The following REL variants were observed in gnomAD, a reference collection of about 807,000 sequenced individuals.
The protein encoded by REL is proto-oncogene c-Rel.
REL carries 15 observed loss-of-function variants against 45.9 expected under a neutral mutation model. That is an observed-to-expected ratio of 0.33 (90% CI 0.22 to 0.50). REL has a LOEUF of 0.50. Among genes scored for constraint, REL ranks in the 20% least tolerant of loss-of-function variants. The pLI, the probability that REL is intolerant of heterozygous loss-of-function variation, is 0.98. For synonymous variants in REL, 239 were observed against 242.1 expected (o/e 0.99, Z 0.12); for missense variants, 601 against 715.2 (o/e 0.84, Z 1.82).
chr2:60,883,920 A>G (rs1350191169), intron 1 of REL, among the ~76,000 whole-genome samples: 2 of 149,754 alleles, frequency 1.3e-5, no homozygotes, highest in Admixed American at 1.3e-4. Context: ...AAGTTATTTA[A>G]ATTGTAATTC....
chr2:60,916,579 C>T (rs1432812259), intron 4 of REL, among the ~76,000 whole-genome samples: 1 of 152,164 alleles, frequency 6.6e-6, no homozygotes, highest in Non-Finnish European at 1.5e-5. Flanking sequence ...TACAAACCTG[C>T]AACTATTTTT....
rs1674224765 is a variant in REL, at chr2:60,924,512, C to A, written c.*1977C>A. On this transcript the variant is annotated 3_prime_UTR_variant, in exon 10 of 10. Transcript: ENST00000394479. ...TGGGTTTATGAGAATCGTGTACATT[C>A]AAGTCCAGGAATAATAATGGTCATC... 1 of 216,598 alleles carries A rather than the reference C, an allele frequency of 4.6e-6. No homozygotes were observed. The highest frequency in any genetic ancestry group is 2.2e-5 in the African/African-American group (1 of 44,526). The allele number at this position is 216,598 out of a possible 1,614,324, so 13.4% of individuals were successfully genotyped here. A position where few individuals can be genotyped will look rare whatever the true frequency, so the allele number is the denominator to read the frequency against.
At chr2:60,882,289 G>C (rs947191126) in intron 1 of REL, among the ~76,000 whole-genome samples, 3 of 152,176 alleles carry the variant, frequency 2.0e-5, no homozygotes, top group Non-Finnish European at 4.4e-5. Context: ...TGTACTGACA[G>C]TTGTACAAAA....
At chr2:60,890,096 C>T (rs1673170127) in intron 1 of REL, among the ~76,000 whole-genome samples, 1 of 152,198 alleles carries the variant, frequency 6.6e-6, no homozygotes, top group African/African-American at 2.4e-5. Flanking sequence ...TTCTTCACAT[C>T]CTCTCCAGCA....
At chr2:60,901,944 A>C (rs561264059) in intron 4 of REL, among the ~76,000 whole-genome samples, 1 of 152,294 alleles carries the variant, frequency 6.6e-6, no homozygotes, top group East Asian at 1.9e-4. Context: ...CTCATGCTGT[A>C]AGTATAAATG....
chr2:60,882,704 A>T (rs1672975544), intron 1 of REL, among the ~76,000 whole-genome samples: 1 of 152,106 alleles, frequency 6.6e-6, no homozygotes. Context: ...TGTAGTTTTT[A>T]CTGTGAGATA....
chr2:60,914,129 G>A (rs1432762385), intron 4 of REL, among the ~76,000 whole-genome samples: 1 of 152,072 alleles, frequency 6.6e-6, no homozygotes, highest in African/African-American at 2.4e-5. Flanking sequence ...AACTTTTAAG[G>A]GCATAAGAAA....
chr2:60,927,667 A>G lies in REL; in HGVS notation c.*5132A>G, dbSNP rs1048032519. The G allele has an allele frequency of 4.3e-6, 1 of 229,886 alleles. No individual in the cohort carries two copies. The highest frequency in any genetic ancestry group is 2.2e-5 in the African/African-American group (1 of 45,180). 14.2% of individuals were successfully genotyped at this position (229,886 alleles called of 1,614,324 possible). ...CAAAGCACGATGTTGGAAATTATAC[A>G]GAGGTGAATAAGACAAAAACTCTTG... On this transcript the variant is annotated 3_prime_UTR_variant, in exon 10 of 10. Transcript: ENST00000394479.
intron 3 of REL, 136 bp from the exon 4 acceptor site, chr2:60,900,856 A>G (rs1673475240): frequency 1.4e-6 from 1 of 733,774 alleles, no homozygotes; most frequent in Admixed American, 3.5e-5. Context: ...CATCTTTATC[A>G]GAGCAATTGG....
Position 60,927,925 on chromosome 2 carries a change from G to C in REL, c.*5390G>C. 4.5e-6 allele frequency: 1 copy of C among 220,484 alleles called. No individual in the cohort carries two copies. Among genetic ancestry groups the C allele is most frequent in the Non-Finnish European group, 9.1e-6 (1 of 110,064 alleles). 13.7% of individuals were successfully genotyped at this position (220,484 alleles called of 1,614,324 possible). ...ATCTTAATGGCCTTTTAAATAACTG[G>C]GCTTCTCACAACCATAGTGAACAGA... On this transcript the variant is annotated 3_prime_UTR_variant, in exon 10 of 10. Transcript: ENST00000394479.
Position 60,920,033 on chromosome 2 carries a change from C to T in REL, c.854-8C>T. On this transcript the variant is annotated splice_polypyrimidine_tract_variant and splice_region_variant and intron_variant, in intron 7 of 9. Transcript: ENST00000394479. ...TTTTATCTGCTTTCCTGGTTTCTTT[C>T]TAATCAGATACTTACGGCAATAAAG... 1.3e-6 allele frequency: 2 copies of T among 1,589,792 alleles called. No homozygotes were observed. Among genetic ancestry groups the T allele is most frequent in the Non-Finnish European group, 1.7e-6 (2 of 1,164,662 alleles).
rs1313037503 is a variant in REL, at chr2:60,929,682, G to T, written c.*7147G>T. The T allele has an allele frequency of 1.8e-5, 2 of 111,756 alleles. No homozygotes were observed. The highest frequency in any genetic ancestry group is 3.4e-5 in the African/African-American group (1 of 29,560). 6.9% of individuals were successfully genotyped at this position (111,756 alleles called of 1,614,324 possible). On this transcript the variant is annotated 3_prime_UTR_variant, in exon 10 of 10. Coordinates refer to ENST00000394479, the MANE Select transcript of REL (RefSeq NM_001291746.2). ...TGGGGACTGTTGTGGGGTGGGGGGAGGGGGGAGGGATAGCATTGGGAGATA... is the reference window on the plus strand; with the variant it reads ...TGGGGACTGTTGTGGGGTGGGGGGATGGGGGAGGGATAGCATTGGGAGATA...
In REL at chr2:60,918,080, T is replaced by C. The variant is rs1558817443; in HGVS notation, c.536-111T>C. On this transcript the variant is annotated intron_variant, in intron 5 of 9. Coordinates refer to ENST00000394479, the MANE Select transcript of REL (RefSeq NM_001291746.2). ...TAATGTATTTAGTGTCATTTATCTA[T>C]ACACTAAAACTTTTATTCTGTGAAT... 35 of 644,314 alleles carry C rather than the reference T, an allele frequency of 5.4e-5. 1 individual carries two copies. In the South Asian group the frequency reaches 7.4e-4, roughly 14 times the overall value. 39.9% of individuals were successfully genotyped at this position (644,314 alleles called of 1,614,324 possible). A position where few individuals can be genotyped will look rare whatever the true frequency, so the allele number is the denominator to read the frequency against.
chr2:60,900,578 C>A (rs970131447), intron 3 of REL: 2 of 164,512 alleles, frequency 1.2e-5, no homozygotes, highest in Non-Finnish European at 2.6e-5. Context: ...GGCTGGAGTG[C>A]AATGGCGTGA....
intron 3 of REL, among the ~76,000 whole-genome samples, chr2:60,898,745 C>A (rs1313201244): frequency 6.6e-6 from 1 of 152,158 alleles, no homozygotes; most frequent in African/African-American, 2.4e-5. Flanking sequence ...GGCTGTGTTC[C>A]AATAAAACTT....
At chr2:60,894,326 A>T in intron 2 of REL, 71 bp from the exon 3 acceptor site, 1 of 889,008 alleles carries the variant, frequency 1.1e-6, no homozygotes, top group Non-Finnish European at 1.6e-6. Flanking sequence ...TGTAAATTGA[A>T]TTCTCATTTA....
intron 4 of REL, among the ~76,000 whole-genome samples, chr2:60,911,677 C>T (rs114619535): frequency 0.016 from 2,500 of 151,904 alleles, 72 homozygotes; most frequent in African/African-American, 0.057. Flanking sequence ...AGAGGTATTC[C>T]GTGTTCTCTA....
chr2:60,901,608 A>G (rs1367383383), intron 4 of REL, among the ~76,000 whole-genome samples: 2 of 152,186 alleles, frequency 1.3e-5, no homozygotes, highest in African/African-American at 4.8e-5. Context: ...GGTTTTTGGT[A>G]TTGTTGGAGA....
rs1161502128 is a variant in REL at position 60,927,424 on chromosome 2, C to G, written c.*4889C>G. 4.3e-6 allele frequency: 1 copy of G among 231,158 alleles called. No individual in the cohort carries two copies. The highest frequency in any genetic ancestry group is 8.6e-6 in the Non-Finnish European group (1 of 116,740). The allele number at this position is 231,158 out of a possible 1,614,324, so 14.3% of individuals were successfully genotyped here. A position where few individuals can be genotyped will look rare whatever the true frequency, so the allele number is the denominator to read the frequency against. On this transcript the variant is annotated 3_prime_UTR_variant, in exon 10 of 10. Coordinates refer to ENST00000394479, the MANE Select transcript of REL (RefSeq NM_001291746.2). Reference sequence around the variant, plus strand: ...CACAGCCCTTTGAGACTGAAAGCAGCTCTATTGAGAATAGTAGTGTCAACT... The same window carrying G: ...CACAGCCCTTTGAGACTGAAAGCAGGTCTATTGAGAATAGTAGTGTCAACT...
Sources: gnomAD v4.1 joint callset for allele counts (sites outside exome capture counted in the v4.1 genomes callset) on GRCh38, gnomAD v4.1.1 for gene constraint, MANE v1.5 for transcripts, NCBI Gene and HGNC (gene_info 2026-07-23, HGNC 2026-07-21) for gene names.